MUC21: variants seen among roughly 807,000 people sequenced by gnomAD.
MUC21 encodes the protein mucin 21, cell surface associated, also known as mucin-21.
A neutral mutation model predicts 9.1 loss-of-function variants in MUC21; 8 were observed. The observed-to-expected ratio is 0.88, with a 90% CI of 0.52 to 1.59. The LOEUF (loss-of-function observed/expected upper bound fraction) is 1.59, where lower values mean the gene tolerates loss of function less well. Ranked by LOEUF, MUC21 falls within the 40% of genes most tolerant of loss-of-function variation. The probability of loss-of-function intolerance (pLI) is 0.00; values close to 1 mark genes in which losing one functional copy is unlikely to be tolerated. For synonymous variants in MUC21, 189 were observed against 275.2 expected, an observed-to-expected ratio of 0.69 and a Z score of 3.10; for missense variants, 478 against 694.2, an observed-to-expected ratio of 0.69 and a Z score of 3.50.
Position 30,988,124 on chromosome 6 carries a change from C to T in MUC21, c.1631C>T (p.Pro544Leu). ...HGAPHRPRWS[P>L]NWFWRRPVSS... ...GCCCCCCACAGGCCCAGGTGGAGTC[C>T]TAACTGGTTCTGGAGGAGACCAGTA... The change falls in exon 3 of 3, where the codon CCT becomes CTT. Residue 544 changes from proline (P) to leucine (L), a missense_variant. This residue lies in a region of MUC21 where 158 missense variants were observed against 192.6 expected (regional missense o/e 0.82). Coordinates refer to ENST00000376296, the MANE Select transcript of MUC21 (RefSeq NM_001010909.5). 1 of 1,612,982 alleles carries T rather than the reference C, an allele frequency of 6.2e-7. No homozygotes were observed. The highest frequency in any genetic ancestry group is 8.5e-7 in the Non-Finnish European group (1 of 1,180,016).
rs771454496 is a variant in MUC21, at chr6:30,987,349, A to C, written c.1174A>C (p.Thr392Pro). ...GTCCAGTGGGGCCAGCACAGCCACCACCTCTGAGTCCAGCACGACCTCCAG... is the reference window on the plus strand; with the variant it reads ...GTCCAGTGGGGCCAGCACAGCCACCCCCTCTGAGTCCAGCACGACCTCCAG... Reference protein sequence around the residue: ...TVSSGASTATTSESSTTSSGA... With the variant: ...TVSSGASTATPSESSTTSSGA... The change falls in exon 2 of 3, where the codon ACC becomes CCC. Residue 392 changes from threonine (T) to proline (P), a missense_variant. By Grantham distance (38) the Thr-to-Pro change is conservative. Coordinates refer to ENST00000376296, the MANE Select transcript of MUC21 (RefSeq NM_001010909.5). 1 of 1,574,992 alleles carries C rather than the reference A, an allele frequency of 6.3e-7. No individual in the cohort carries two copies. The highest frequency in any genetic ancestry group is 1.1e-5 in the South Asian group (1 of 89,728).
At chr6:30,984,898 G>A (rs3131930) in intron 1 of MUC21, among the ~76,000 whole-genome samples, 2 of 151,184 alleles carry the variant, frequency 1.3e-5, no homozygotes, top group South Asian at 2.1e-4. Context: ...TCGCTTGAAC[G>A]TGGGAGGCGG....
intron 1 of MUC21, among the ~76,000 whole-genome samples, chr6:30,984,396 T>C (rs1297310375): frequency 6.6e-6 from 1 of 151,960 alleles, no homozygotes; most frequent in African/African-American, 2.4e-5. Flanking sequence ...TCTGGCGGGG[T>C]GCGGTGGCTC....
At chr6:30,985,583 C>T (rs1205131904) in intron 1 of MUC21, among the ~76,000 whole-genome samples, 1 of 152,106 alleles carries the variant, frequency 6.6e-6, no homozygotes, top group East Asian at 1.9e-4. Flanking sequence ...TTTTATAATA[C>T]TTTATATCTG....
In MUC21 at chr6:30,988,150, TC is replaced by T. The variant is rs1348600838; in HGVS notation, c.1659del (p.Ser554ArgfsTer2). The T allele has an allele frequency of 6.2e-7, 1 of 1,612,842 alleles. No homozygotes were observed. Among genetic ancestry groups the T allele is most frequent in the Non-Finnish European group, 8.5e-7 (1 of 1,180,012 alleles). On this transcript the variant is annotated frameshift_variant, in exon 3 of 3. Transcript: ENST00000376296. LOFTEE classifies it low-confidence loss of function (END_TRUNC). Reference protein sequence around the residue: ...SPNWFWRRPVSSIAMEMSGRN... With the variant: ...SPNWFWRRPVXSIAMEMSGRN... ...TAACTGGTTCTGGAGGAGACCAGTA[TC>T]CTCGATAGCCATGGAGATGAGCGGG...
At chr6:30,987,767 T>C in intron 2 of MUC21, 86 bp downstream of exon 2, 1 of 1,540,406 alleles carries the variant, frequency 6.5e-7, no homozygotes, top group African/African-American at 1.4e-5. Flanking sequence ...GGGTCTCAAG[T>C]CAGGGGTGGG....
chr6:30,984,486 G>A (rs190698099), intron 1 of MUC21, among the ~76,000 whole-genome samples: 166 of 152,096 alleles, frequency 1.1e-3, no homozygotes, highest in African/African-American at 3.6e-3. Context: ...CCTAGCTAAC[G>A]TGGCAAAACC....
chr6:30,987,757 G>A lies in MUC21; in HGVS notation c.1506+76G>A, dbSNP rs141870155. ...ACAAGGAAATGGGTGTGAATAGAAG[G>A]GGTCTCAAGTCAGGGGTGGGTAGGG... On this transcript the variant is annotated intron_variant, in intron 2 of 2. Transcript: ENST00000376296. 3.1e-3 allele frequency: 4,880 copies of A among 1,556,816 alleles called. 32 individuals are homozygous for A. The highest frequency in any genetic ancestry group is 0.021 in the Middle Eastern group (110 of 5,202).
Position 30,986,821 on chromosome 6 carries a change from A to G in MUC21, c.646A>G (p.Arg216Gly), listed in dbSNP as rs775423099. The change falls in exon 2 of 3, where the codon AGA (arginine) becomes GGA (glycine). Residue 216 changes from arginine to glycine, a missense_variant. Physicochemically the swap from Arg to Gly is moderately radical, Grantham distance 125 (BLOSUM62 -2). Transcript: ENST00000376296. ...CAGCACAGCCACCAACTCTGAGTCC[A>G]GAACGACCTCCAATGGGGCTGGCAC... is the stretch of plus-strand genomic sequence containing the variant. ...GASTATNSES[R>G]TTSNGAGTAT... 3 of 1,590,450 alleles carry G rather than the reference A, an allele frequency of 1.9e-6. No homozygotes were observed. The South Asian group carries it at 3.4e-5, about 18-fold the overall frequency.
chr6:30,988,783 T>TGGGG lies in MUC21; in HGVS notation c.*594_*597dup, dbSNP rs1052678658. The TGGGG allele has an allele frequency of 1.5e-4, 1 of 6,804 alleles. No individual in the cohort carries two copies. The highest frequency in any genetic ancestry group is 1.7e-3 in the Admixed American group (1 of 604). 0.4% of individuals were successfully genotyped at this position (6,804 alleles called of 1,614,324 possible). A position where few individuals can be genotyped will look rare whatever the true frequency, so the allele number is the denominator to read the frequency against. On this transcript the variant is annotated 3_prime_UTR_variant, in exon 3 of 3. Coordinates refer to ENST00000376296, the MANE Select transcript of MUC21 (RefSeq NM_001010909.5). ...GCGTTACAACTACCTGCTCTGTGTGTGGGGGGGGAGGGGGGAGGGGGGTAC... is the reference window on the plus strand; with the variant it reads ...GCGTTACAACTACCTGCTCTGTGTGTGGGGGGGGGGGGAGGGGGGAGGGGGGTAC...
intron 1 of MUC21, among the ~76,000 whole-genome samples, chr6:30,984,334 G>C (rs1464685741): frequency 6.6e-6 from 1 of 152,128 alleles, no homozygotes; most frequent in Non-Finnish European, 1.5e-5. Flanking sequence ...ATATGGTTGG[G>C]GTTTTAAATA....
chr6:30,988,547 C>T lies in MUC21; in HGVS notation c.*353C>T, dbSNP rs956345457. On this transcript the variant is annotated 3_prime_UTR_variant, in exon 3 of 3. Coordinates refer to ENST00000376296, the MANE Select transcript of MUC21 (RefSeq NM_001010909.5). ...TCTCCACAGTAAAATCCAAAGACCTCATTCTTATCTGTGTGTCTGCATTTT... is the reference window on the plus strand; with the variant it reads ...TCTCCACAGTAAAATCCAAAGACCTTATTCTTATCTGTGTGTCTGCATTTT... The T allele has an allele frequency of 1.7e-5, 4 of 235,318 alleles. No homozygotes were observed. Among genetic ancestry groups the T allele is most frequent in the Non-Finnish European group, 3.2e-5 (4 of 124,132 alleles). 14.6% of individuals were successfully genotyped at this position (235,318 alleles called of 1,614,324 possible).
At chr6:30,986,177 A>G (rs1762234022) in intron 1 of MUC21, 60 bp from the exon 2 acceptor site, 1 of 1,419,210 alleles carries the variant, frequency 7.0e-7, no homozygotes, top group African/African-American at 1.4e-5. Flanking sequence ...GAATTTAGCC[A>G]AGCAATAAGC....
Position 30,987,479 on chromosome 6 carries a change from C to T in MUC21, c.1304C>T (p.Ala435Val), listed in dbSNP as rs755484877. 6.2e-6 allele frequency: 10 copies of T among 1,614,112 alleles called. No homozygotes were observed. Among genetic ancestry groups the T allele is most frequent in the African/African-American group, 1.3e-5 (1 of 74,952 alleles). Residue 435 changes from alanine (A) to valine (V), a missense_variant, in exon 2 of 3, where the codon GCC (alanine) becomes GTC (valine). Ala to Val is a moderately conservative substitution (Grantham distance 64, BLOSUM62 0). Around this residue, in one of 5 missense-constraint regions of MUC21, gnomAD observed 158 missense variants for 192.6 expected, o/e 0.82. Coordinates refer to ENST00000376296, the MANE Select transcript of MUC21 (RefSeq NM_001010909.5). ...ACAACCTCCAGTGGGGCCAACACAGCCACCAACTCTGGGTCCAGTGTGACC... is the reference window on the plus strand; with the variant it reads ...ACAACCTCCAGTGGGGCCAACACAGTCACCAACTCTGGGTCCAGTGTGACC... Reference protein sequence around the residue: ...SSTTSSGANTATNSGSSVTSA... With the variant: ...SSTTSSGANTVTNSGSSVTSA...
At position 30,986,506 on chromosome 6, in the gene MUC21, A is replaced by G. The variant is rs1256512942; in HGVS notation, c.331A>G (p.Ser111Gly). The change falls in exon 2 of 3, where the codon AGC (serine) becomes GGC (glycine). Residue 111 changes from serine to glycine, a missense_variant. By Grantham distance (56) the Ser-to-Gly change is moderately conservative. Coordinates refer to ENST00000376296, the MANE Select transcript of MUC21 (RefSeq NM_001010909.5). ...GISIATNSES[S>G]TTSSGASTAT... Reference sequence around the variant, plus strand: ...CAGCATAGCCACCAACTCTGAGTCCAGCACAACCTCCAGTGGGGCCAGCAC... The same window carrying G: ...CAGCATAGCCACCAACTCTGAGTCCGGCACAACCTCCAGTGGGGCCAGCAC... The G allele has an allele frequency of 6.3e-7, 1 of 1,599,560 alleles. No homozygotes were observed. The highest frequency in any genetic ancestry group is 1.1e-5 in the South Asian group (1 of 90,602).
rs192372375 is a variant in MUC21 at position 30,985,937 on chromosome 6, G to C, written c.62-300G>C. Reference sequence around the variant, plus strand: ...CTGGAATTAATGCCCGGCTAATTTTGTATTTTTAGTAGAGATGGGGTTTCT... The same window carrying C: ...CTGGAATTAATGCCCGGCTAATTTTCTATTTTTAGTAGAGATGGGGTTTCT... On this transcript the variant is annotated intron_variant, in intron 1 of 2. Transcript: ENST00000376296. Among the ~76,000 whole-genome samples, 1,272 of 152,192 alleles carry C rather than the reference G, an allele frequency of 8.4e-3. 9 individuals are homozygous for C. The highest frequency in any genetic ancestry group is 0.013 in the Non-Finnish European group (910 of 68,012).
In MUC21 at chr6:30,986,975, C is replaced by A. The variant is rs770378299; in HGVS notation, c.800C>A (p.Ala267Asp). Residue 267 changes from alanine to aspartate, a missense_variant, in exon 2 of 3, where the codon GCC becomes GAC. By Grantham distance (126) the Ala-to-Asp change is moderately radical. Around this residue, in one of 5 missense-constraint regions of MUC21, gnomAD observed 155 missense variants for 235.2 expected, o/e 0.66. Transcript: ENST00000376296. ...NSESSTTSSG[A>D]GTATNSESST... ...GAGTCCAGCACGACCTCCAGTGGGG[C>A]CGGCACAGCCACCAACTCTGAGTCC... 2 of 1,583,512 alleles carry A rather than the reference C, an allele frequency of 1.3e-6. No homozygotes were observed. The highest frequency in any genetic ancestry group is 1.7e-6 in the Non-Finnish European group (2 of 1,163,068).
intron 1 of MUC21, among the ~76,000 whole-genome samples, chr6:30,984,890 G>A (rs1762183150): frequency 6.6e-6 from 1 of 151,866 alleles, no homozygotes; most frequent in Non-Finnish European, 1.5e-5. Context: ...CAGGAGAATC[G>A]CTTGAACGTG....
chr6:30,986,093 C>A, intron 1 of MUC21, 144 bp from the exon 2 acceptor site: 1 of 820,544 alleles, frequency 1.2e-6, no homozygotes, highest in African/African-American at 1.7e-5. Context: ...GCCTCAATTT[C>A]TTCATCTCAG....
Sources: allele counts gnomAD v4.1 joint callset (sites outside exome capture counted in the v4.1 genomes callset), GRCh38; gene constraint gnomAD v4.1.1; regional missense constraint gnomAD v4.1.1; transcripts MANE v1.5; gene names NCBI Gene and HGNC (gene_info 2026-07-23, HGNC 2026-07-21).